Variants in LRRC4C observed in about 807,000 individuals in gnomAD.
LRRC4C encodes leucine rich repeat containing 4C, also known as leucine-rich repeat-containing protein 4C.
LRRC4C carries 5 observed loss-of-function variants against 33.6 expected under a neutral mutation model. The ratio of observed to expected loss-of-function variants is 0.15; its 90% CI spans 0.08 to 0.31. The LOEUF (loss-of-function observed/expected upper bound fraction) is 0.31. Ranked by LOEUF, LRRC4C falls within the 10% of genes least tolerant of loss-of-function variation. LRRC4C has a pLI of 1.00. For synonymous variants in LRRC4C, 329 were observed against 302.0 expected (o/e 1.09, Z -0.93); for missense variants, 560 against 796.7 (o/e 0.70, Z 3.58).
intron 3 of LRRC4C, among the ~76,000 whole-genome samples, chr11:40,401,167 T>C (rs961248537): frequency 6.6e-6 from 1 of 150,584 alleles, no homozygotes; most frequent in African/African-American, 2.4e-5. Flanking sequence ...GCTTAATTAT[T>C]AAAAAAAAAA....
At chr11:41,018,227 G>C (rs558669405) in intron 1 of LRRC4C, among the ~76,000 whole-genome samples, 19 of 152,182 alleles carry the variant, frequency 1.2e-4, no homozygotes, top group African/African-American at 4.3e-4. Context: ...ACTACAATTA[G>C]AAAAAATAAT....
intron 3 of LRRC4C, among the ~76,000 whole-genome samples, chr11:40,322,907 G>A (rs1034741885): frequency 3.9e-5 from 6 of 152,212 alleles, no homozygotes; most frequent in Middle Eastern, 3.4e-3. Flanking sequence ...AATATCTTCT[G>A]TAAATTACAT....
At chr11:41,358,345 T>C (rs1952234187) in intron 1 of LRRC4C, among the ~76,000 whole-genome samples, 1 of 152,144 alleles carries the variant, frequency 6.6e-6, no homozygotes, top group Non-Finnish European at 1.5e-5. Flanking sequence ...GGTTTGATGA[T>C]GAATATTTAG....
chr11:40,350,520 T>TAA (rs1288720808), intron 3 of LRRC4C, among the ~76,000 whole-genome samples: 2 of 152,086 alleles, frequency 1.3e-5, no homozygotes, highest in East Asian at 3.9e-4. Context: ...TGAAGTCAGG[T>TAA]AACATGATTC....
intron 4 of LRRC4C, among the ~76,000 whole-genome samples, chr11:40,250,138 C>T (rs563328916): frequency 6.6e-6 from 1 of 151,288 alleles, no homozygotes; most frequent in East Asian, 1.9e-4. Context: ...GAACTACCTT[C>T]TTTATTATCT....
intron 3 of LRRC4C, among the ~76,000 whole-genome samples, chr11:40,607,767 T>A (rs971715586): frequency 4.6e-5 from 7 of 152,104 alleles, no homozygotes; most frequent in African/African-American, 1.7e-4. Flanking sequence ...GAATGTCTAA[T>A]TGAGCTGATT....
intron 2 of LRRC4C, among the ~76,000 whole-genome samples, chr11:40,800,428 T>G (rs1483631882): frequency 1.3e-5 from 2 of 152,230 alleles, no homozygotes; most frequent in Admixed American, 6.5e-5. Context: ...ACCCATATTT[T>G]GTGAACATGT....
chr11:41,184,958 G>A (rs1003617660), intron 1 of LRRC4C, among the ~76,000 whole-genome samples: 1 of 152,092 alleles, frequency 6.6e-6, no homozygotes, highest in Admixed American at 6.6e-5. Flanking sequence ...GAAAGAGCTT[G>A]TGCAGGGAAA....
intron 2 of LRRC4C, among the ~76,000 whole-genome samples, chr11:40,811,373 A>T (rs1951480942): frequency 6.6e-6 from 1 of 152,194 alleles, no homozygotes; most frequent in African/African-American, 2.4e-5. Flanking sequence ...GTGCTTGTAC[A>T]AGAACATAAG....
chr11:40,276,534 A>G (rs769013069), intron 4 of LRRC4C, among the ~76,000 whole-genome samples: 2 of 152,126 alleles, frequency 1.3e-5, no homozygotes, highest in African/African-American at 4.8e-5. Flanking sequence ...CCCTGAATCT[A>G]TAGTGTATTG....
intron 5 of LRRC4C, among the ~76,000 whole-genome samples, chr11:40,181,119 C>A (rs10501221): frequency 6.6e-6 from 1 of 152,050 alleles, no homozygotes; most frequent in Non-Finnish European, 1.5e-5. Flanking sequence ...CAAACTAAGA[C>A]GCTTCATTCC....
intron 1 of LRRC4C, among the ~76,000 whole-genome samples, chr11:41,436,311 C>T (rs980681715): frequency 6.6e-6 from 1 of 152,172 alleles, no homozygotes; most frequent in Non-Finnish European, 1.5e-5. Context: ...TATTTCATGA[C>T]AATTCTGTTA....
chr11:40,389,634 G>A (rs1490370207), intron 3 of LRRC4C, among the ~76,000 whole-genome samples: 2 of 152,142 alleles, frequency 1.3e-5, no homozygotes, highest in Admixed American at 6.5e-5. Flanking sequence ...GGCTCAAGGA[G>A]TTGTTAATAA....
chr11:40,822,183 C>T (rs1157427066), intron 2 of LRRC4C, among the ~76,000 whole-genome samples: 3 of 151,624 alleles, frequency 2.0e-5, no homozygotes, highest in African/African-American at 7.3e-5. Context: ...TCTAGTCCAC[C>T]ATCCACTCTA....
chr11:41,285,930 A>G (rs1228760422), intron 1 of LRRC4C, among the ~76,000 whole-genome samples: 1 of 152,050 alleles, frequency 6.6e-6, no homozygotes, highest in Admixed American at 6.6e-5. Context: ...CCCAGGTTCA[A>G]GCAATTCTTC....
rs1454035059 is a variant in LRRC4C at position 41,305,248 on chromosome 11, C to T, written c.-496+154183G>A. Among the ~76,000 whole-genome samples the T allele has an allele frequency of 7.3e-5, 4 of 54,548 alleles. 1 individual carries two copies. The South Asian group carries it at 2.5e-3, about 35-fold the overall frequency. 35.8% of individuals were successfully genotyped at this position (54,548 alleles called of 152,430 possible). ...GAGGTGGGGGGGTCAGCCCCCCGCC[C>T]GGCCAGCCGCCCTCTCCGGGAGGGA... On this transcript the variant is annotated intron_variant, in intron 1 of 6. Coordinates refer to ENST00000528697, the MANE Select transcript of LRRC4C (RefSeq NM_001258419.2).
At chr11:40,585,520 G>C (rs1958686019) in intron 3 of LRRC4C, among the ~76,000 whole-genome samples, 2 of 148,534 alleles carry the variant, frequency 1.3e-5, no homozygotes, top group South Asian at 4.3e-4. Context: ...TGTGCACATT[G>C]TGCAGGTTAG....
At chr11:40,696,404 CCA>C (rs1945534816) in intron 2 of LRRC4C, among the ~76,000 whole-genome samples, 1 of 104,966 alleles carries the variant, frequency 9.5e-6, no homozygotes, top group Admixed American at 1.1e-4. Context: ...AGTATACACA[CCA>C]TATATATATA....
intron 1 of LRRC4C, among the ~76,000 whole-genome samples, chr11:40,966,350 C>T (rs140349341): frequency 2.6e-4 from 40 of 151,948 alleles, no homozygotes; most frequent in African/African-American, 9.4e-4. Flanking sequence ...CCCAAGTTGG[C>T]CCACTGAGGT....
Sources: gnomAD v4.1 joint callset for allele counts (sites outside exome capture counted in the v4.1 genomes callset) on GRCh38, gnomAD v4.1.1 for gene constraint, MANE v1.5 for transcripts, NCBI Gene and HGNC (gene_info 2026-07-23, HGNC 2026-07-21) for gene names.